The following LRP1B variants were observed in gnomAD, a reference collection of about 807,000 sequenced individuals.
The protein encoded by LRP1B is low-density lipoprotein receptor-related protein 1B.
Under a neutral mutation model 556.6 loss-of-function variants are expected in LRP1B, and 217 were observed. The ratio of observed to expected loss-of-function variants is 0.39; its 90% CI spans 0.35 to 0.44. The LOEUF is 0.44. Among genes scored for constraint, LRP1B ranks in the 20% least tolerant of loss-of-function variants. LRP1B has a pLI of 1.00. For synonymous variants in LRP1B, 2,047 were observed against 1,865.8 expected, an observed-to-expected ratio of 1.10 and a Z score of -2.50; for missense variants, 5,053 against 5,620.8, an observed-to-expected ratio of 0.90 and a Z score of 3.23.
At chr2:141,740,926 C>G (rs1693676187) in intron 2 of LRP1B, among the ~76,000 whole-genome samples, 1 of 152,148 alleles carries the variant, frequency 6.6e-6, no homozygotes, top group Admixed American at 6.6e-5. Flanking sequence ...CCACTACTCT[C>G]TCTAGTTTCT....
At chr2:140,543,022 A>G (rs528875337) in intron 43 of LRP1B, among the ~76,000 whole-genome samples, 12 of 152,240 alleles carry the variant, frequency 7.9e-5, no homozygotes, top group Non-Finnish European at 1.5e-5. Flanking sequence ...GACTCTGAGT[A>G]CTCCGCAGGG....
intron 43 of LRP1B, among the ~76,000 whole-genome samples, chr2:140,545,776 T>A (rs1272838100): frequency 6.6e-6 from 1 of 152,138 alleles, no homozygotes; most frequent in Non-Finnish European, 1.5e-5. Context: ...TTAAAACCTT[T>A]TTTTTCTAGC....
chr2:141,177,706 A>G (rs898098260), intron 7 of LRP1B, among the ~76,000 whole-genome samples: 10 of 152,198 alleles, frequency 6.6e-5, no homozygotes, highest in African/African-American at 2.4e-4. Context: ...AAAACTGGGG[A>G]CTCCCAGGTT....
intron 2 of LRP1B, among the ~76,000 whole-genome samples, chr2:141,646,898 G>A (rs1433065236): frequency 6.6e-6 from 1 of 152,132 alleles, no homozygotes; most frequent in Non-Finnish European, 1.5e-5. Context: ...AGTCAAGGGG[G>A]GAACAAGCTC....
Position 140,376,586 on chromosome 2 carries a change from T to A in LRP1B, c.10638+1594A>T, listed in dbSNP as rs949278116. ...TCTCCTTTGTGTTTAAAAAAAAAAA[T>A]GTTTTGACTTTTATTTTGTGAAGAG... On this transcript the variant is annotated intron_variant, in intron 68 of 90. Coordinates refer to ENST00000389484, the MANE Select transcript of LRP1B (RefSeq NM_018557.3). Among the ~76,000 whole-genome samples the A allele has an allele frequency of 3.3e-5, 5 of 151,570 alleles. No homozygotes were observed. In the East Asian group the frequency reaches 7.7e-4, roughly 23 times the overall value.
At chr2:140,340,077 TC>T in intron 77 of LRP1B, among the ~76,000 whole-genome samples, 1 of 151,548 alleles carries the variant, frequency 6.6e-6, no homozygotes, top group South Asian at 2.1e-4. Context: ...ATTTTGTTAC[TC>T]TTTTTTTTTT....
chr2:141,722,300 C>T (rs1312569343), intron 2 of LRP1B, among the ~76,000 whole-genome samples: 1 of 152,118 alleles, frequency 6.6e-6, no homozygotes, highest in African/African-American at 2.4e-5. Flanking sequence ...ATCGCTTGAA[C>T]CTGGGAGGTG....
At chr2:140,979,606 A>G (rs1031220152) in intron 18 of LRP1B, among the ~76,000 whole-genome samples, 1 of 152,186 alleles carries the variant, frequency 6.6e-6, no homozygotes, top group Non-Finnish European at 1.5e-5. Context: ...GGCAAACAAT[A>G]CATCAGGGTT....
intron 23 of LRP1B, among the ~76,000 whole-genome samples, chr2:140,891,249 T>A (rs1268674473): frequency 6.6e-6 from 1 of 152,148 alleles, no homozygotes; most frequent in East Asian, 1.9e-4. Context: ...TATGTACAAT[T>A]ATCTTCTTTG....
chr2:140,601,971 C>T (rs1042777096), intron 41 of LRP1B, among the ~76,000 whole-genome samples: 3 of 152,028 alleles, frequency 2.0e-5, no homozygotes, highest in Non-Finnish European at 4.4e-5. Flanking sequence ...CGTGCAACAA[C>T]TTAGAGATGT....
chr2:140,358,030 C>A lies in LRP1B; in HGVS notation c.11344G>T (p.Asp3782Tyr), dbSNP rs1430555496. 6.2e-7 allele frequency: 1 copy of A among 1,611,542 alleles called. No individual in the cohort carries two copies. The highest frequency in any genetic ancestry group is 1.7e-5 in the Admixed American group (1 of 59,812). The part of the protein sequence containing the change: ...KKCIPMDLQC[D>Y]RLDDCGDGSD... Reference sequence around the variant, plus strand: ...CCATCTCCGCAGTCATCAAGTCGATCACACTGGAGATCCATAGGGATGCAT... The same window carrying A: ...CCATCTCCGCAGTCATCAAGTCGATAACACTGGAGATCCATAGGGATGCAT... Residue 3782 changes from aspartate to tyrosine, a missense_variant, in exon 74 of 91, where the codon GAT becomes TAT. This residue lies in a region of LRP1B where 599 missense variants were observed against 648.4 expected (regional missense o/e 0.92). Coordinates refer to ENST00000389484, the MANE Select transcript of LRP1B (RefSeq NM_018557.3).
chr2:141,660,805 C>A (rs1406156886), intron 2 of LRP1B, among the ~76,000 whole-genome samples: 1 of 152,188 alleles, frequency 6.6e-6, no homozygotes, highest in East Asian at 1.9e-4. Context: ...GCGCAGTGCA[C>A]ACCTTCCACC....
intron 35 of LRP1B, among the ~76,000 whole-genome samples, chr2:140,754,413 A>G (rs1294940596): frequency 1.9e-4 from 29 of 152,142 alleles, no homozygotes; most frequent in Admixed American, 1.9e-3. Context: ...CAGCCAGCAA[A>G]TAGTGTATAT....
chr2:140,321,456 T>A lies in LRP1B; in HGVS notation c.12640+507A>T, dbSNP rs190954747. ...ATTATCATAATTATCAAAGAATAATTATTATTATTCTTTGTGGTAATAGCA... is the reference window on the plus strand; with the variant it reads ...ATTATCATAATTATCAAAGAATAATAATTATTATTCTTTGTGGTAATAGCA... On this transcript the variant is annotated intron_variant, in intron 82 of 90. Transcript: ENST00000389484. 6.2e-5 allele frequency among the ~76,000 whole-genome samples: 9 copies of A among 145,392 alleles called. No homozygotes were observed. In the East Asian group the frequency reaches 1.4e-3, roughly 22 times the overall value.
chr2:141,743,504 T>TTTTTTTTTTTTTC (rs1558844250), intron 2 of LRP1B, among the ~76,000 whole-genome samples: 3 of 79,006 alleles, frequency 3.8e-5, no homozygotes, highest in Non-Finnish European at 5.3e-5. Context: ...TTTTTTTCTT[T>TTTTTTTTTTTTTC]TTTTTTTTTT....
intron 1 of LRP1B, among the ~76,000 whole-genome samples, chr2:142,042,711 G>A (rs919819799): frequency 3.3e-5 from 5 of 151,488 alleles, no homozygotes; most frequent in African/African-American, 1.2e-4. Context: ...GTTGAAATGT[G>A]TTGGTCTAAC....
chr2:141,572,800 G>C (rs1352757230), intron 2 of LRP1B, among the ~76,000 whole-genome samples: 1 of 152,224 alleles, frequency 6.6e-6, no homozygotes, highest in South Asian at 2.1e-4. Context: ...TGCAATCCTA[G>C]TCTCTGACAA....
At chr2:140,744,839 C>A (rs372319688) in intron 35 of LRP1B, among the ~76,000 whole-genome samples, 1 of 152,122 alleles carries the variant, frequency 6.6e-6, no homozygotes, top group African/African-American at 2.4e-5. Flanking sequence ...CTCTAGGATG[C>A]AAGCTCCAGG....
intron 2 of LRP1B, among the ~76,000 whole-genome samples, chr2:141,801,451 G>T (rs1032489714): frequency 5.9e-5 from 9 of 152,010 alleles, no homozygotes; most frequent in Non-Finnish European, 1.3e-4. Context: ...ACTGCACCTG[G>T]CCTGTTTTTT....
Sources: allele counts gnomAD v4.1 joint callset (sites outside exome capture counted in the v4.1 genomes callset), GRCh38; gene constraint gnomAD v4.1.1; regional missense constraint gnomAD v4.1.1; transcripts MANE v1.5; gene names NCBI Gene and HGNC (gene_info 2026-07-23, HGNC 2026-07-21).